Variants in HSF1 observed in about 807,000 individuals in gnomAD.
HSF1 encodes heat shock transcription factor 1, also known as heat shock factor protein 1.
Under a neutral mutation model 51.7 loss-of-function variants are expected in HSF1, and 32 were observed. That is an observed-to-expected ratio of 0.62 (90% CI 0.47 to 0.83). The LOEUF (loss-of-function observed/expected upper bound fraction) is 0.83, where lower values mean the gene tolerates loss of function less well. Ranked by LOEUF, HSF1 falls within the 40% of genes least tolerant of loss-of-function variation. The pLI, the probability that HSF1 is intolerant of heterozygous loss-of-function variation, is 0.00. For missense variants in HSF1, 727 were observed against 717.0 expected, an observed-to-expected ratio of 1.01 and a Z score of -0.16; for synonymous variants, 396 against 309.7, an observed-to-expected ratio of 1.28 and a Z score of -2.92.
chr8:144,298,477 T>C (rs1588630111), intron 1 of HSF1, among the ~76,000 whole-genome samples: 2 of 148,614 alleles, frequency 1.3e-5, no homozygotes, highest in African/African-American at 4.9e-5. Flanking sequence ...TGGTGGTGCG[T>C]GCCTGTAATC....
intron 1 of HSF1, among the ~76,000 whole-genome samples, chr8:144,296,477 T>G (rs35576789): frequency 0.52 from 79,088 of 151,966 alleles, 20,878 homozygotes; most frequent in Admixed American, 0.65. Context: ...GCCCGGACCA[T>G]AGTGCCTCCT....
At chr8:144,309,371 A>T in intron 2 of HSF1, 84 bp from the exon 3 acceptor site, 2 of 1,577,302 alleles carry the variant, frequency 1.3e-6, no homozygotes, top group South Asian at 1.2e-5. Context: ...CAAGCCCCGC[A>T]GCAGCCTCCT....
chr8:144,306,878 A>G (rs1554843402), intron 1 of HSF1, among the ~76,000 whole-genome samples: 2 of 152,118 alleles, frequency 1.3e-5, no homozygotes, highest in African/African-American at 2.4e-5. Flanking sequence ...AATGTTCTTG[A>G]ATGCCTGGGG....
chr8:144,302,127 T>C (rs181808563), intron 1 of HSF1, among the ~76,000 whole-genome samples: 1,629 of 140,242 alleles, frequency 0.012, 27 homozygotes, highest in African/African-American at 0.042. Context: ...AACTGCACCA[T>C]TGCACTCCAG....
intron 4 of HSF1, 131 bp downstream of exon 4, chr8:144,310,027 C>T: frequency 8.9e-7 from 1 of 1,119,368 alleles, no homozygotes; most frequent in South Asian, 1.6e-5. Context: ...CGCACATCTA[C>T]CCTGGGCCTC....
intron 4 of HSF1, chr8:144,310,536 G>T (rs1554844169): frequency 1.3e-5 from 2 of 156,280 alleles, no homozygotes; most frequent in African/African-American, 4.8e-5. Context: ...CATGGAGGAG[G>T]CCTTGGCCTC....
chr8:144,298,497 C>T (rs1210278470), intron 1 of HSF1, among the ~76,000 whole-genome samples: 5 of 150,438 alleles, frequency 3.3e-5, no homozygotes, highest in African/African-American at 7.3e-5. Context: ...CCCAGCTACT[C>T]GGGAGGCTGA....
intron 1 of HSF1, among the ~76,000 whole-genome samples, chr8:144,299,680 C>T (rs917723555): frequency 4.6e-5 from 7 of 152,010 alleles, no homozygotes; most frequent in African/African-American, 1.2e-4. Context: ...GAGGCCGAGG[C>T]GGGTGGATCA....
intron 1 of HSF1, among the ~76,000 whole-genome samples, chr8:144,300,516 T>C (rs1815796977): frequency 6.6e-6 from 1 of 152,228 alleles, no homozygotes; most frequent in Non-Finnish European, 1.5e-5. Context: ...CGGCCTGTTG[T>C]GTACTCTTGA....
rs1554846141 is a variant in HSF1 at position 144,314,229 on chromosome 8, G to A, written c.1489G>A (p.Gly497Ser). 6.5e-7 allele frequency: 1 copy of A among 1,550,304 alleles called. No individual in the cohort carries two copies. Among genetic ancestry groups the A allele is most frequent in the Middle Eastern group, 1.7e-4 (1 of 5,986 alleles). The change falls in exon 13 of 13, where the codon GGC (glycine) becomes AGC (serine). Residue 497 changes from glycine to serine, a missense_variant. This residue lies in a region of HSF1 where 470 missense variants were observed against 398.8 expected (regional missense o/e 1.18). Transcript: ENST00000528838. ...DLPVLFELGE[G>S]SYFSEGDGFA... Reference sequence around the variant, plus strand: ...GCCGGTGCTGTTTGAGCTGGGAGAGGGCTCCTACTTCTCCGAAGGGGACGG... The same window carrying A: ...GCCGGTGCTGTTTGAGCTGGGAGAGAGCTCCTACTTCTCCGAAGGGGACGG...
Position 144,308,976 on chromosome 8 carries a change from A to G in HSF1, c.188A>G (p.His63Arg). The part of the protein sequence containing the change: ...AKEVLPKYFK[H>R]NNMASFVRQL... ...GAGGTGCTGCCCAAGTACTTCAAGC[A>G]CAACAACATGGCCAGCTTCGTGCGG... is the stretch of plus-strand genomic sequence containing the variant. Residue 63 changes from histidine (H) to arginine (R), a missense_variant, in exon 2 of 13, where the codon CAC (histidine) becomes CGC (arginine). His to Arg is a conservative substitution (Grantham distance 29). Around this residue, in one of 2 missense-constraint regions of HSF1, gnomAD observed 257 missense variants for 318.3 expected, o/e 0.81. Coordinates refer to ENST00000528838, the MANE Select transcript of HSF1 (RefSeq NM_005526.4). The G allele has an allele frequency of 6.2e-7, 1 of 1,614,124 alleles. No homozygotes were observed. The highest frequency in any genetic ancestry group is 8.5e-7 in the Non-Finnish European group (1 of 1,179,956).
intron 9 of HSF1, chr8:144,312,590 C>T: frequency 1.3e-6 from 2 of 1,515,062 alleles, no homozygotes; most frequent in Non-Finnish European, 1.8e-6. Flanking sequence ...CCCCCAGCCC[C>T]TGCCTGCAAT....
chr8:144,296,108 G>A (rs1261351658), intron 1 of HSF1, among the ~76,000 whole-genome samples: 2 of 152,184 alleles, frequency 1.3e-5, no homozygotes, highest in South Asian at 4.1e-4. Context: ...TCAGGTGGCC[G>A]CTGTGGAGGG....
chr8:144,300,643 G>C (rs782663698), intron 1 of HSF1, among the ~76,000 whole-genome samples: 1 of 152,204 alleles, frequency 6.6e-6, no homozygotes, highest in East Asian at 1.9e-4. Context: ...TCCACAAACT[G>C]TTTGACGAGT....
At chr8:144,301,649 C>A (rs556622720) in intron 1 of HSF1, among the ~76,000 whole-genome samples, 1 of 151,682 alleles carries the variant, frequency 6.6e-6, no homozygotes, top group South Asian at 2.1e-4. Flanking sequence ...GGCGGATCAC[C>A]AGGTCAGGAG....
At chr8:144,302,830 T>G (rs782109062) in intron 1 of HSF1, among the ~76,000 whole-genome samples, 1 of 151,700 alleles carries the variant, frequency 6.6e-6, no homozygotes, top group Non-Finnish European at 1.5e-5. Context: ...CGAAAAAACA[T>G]ACATTGAAAA....
At position 144,297,838 on chromosome 8, in the gene HSF1, G is replaced by A. The variant is rs1203512493; in HGVS notation, c.117+5964G>A. Among the ~76,000 whole-genome samples, 1 of 152,224 alleles carries A rather than the reference G, an allele frequency of 6.6e-6. No homozygotes were observed. The highest frequency in any genetic ancestry group is 1.5e-5 in the Non-Finnish European group (1 of 68,040). On this transcript the variant is annotated intron_variant, in intron 1 of 12. Coordinates refer to ENST00000528838, the MANE Select transcript of HSF1 (RefSeq NM_005526.4). This position sits in a 1 kb window ranked among gnomAD's most constrained non-coding sequence, Gnocchi z 4.6. ...GGGCCACCTTGTAGAATACGGCACTGTTCACGTTTTGGGCCAGGGAGCCCT... is the reference window on the plus strand; with the variant it reads ...GGGCCACCTTGTAGAATACGGCACTATTCACGTTTTGGGCCAGGGAGCCCT...
intron 9 of HSF1, chr8:144,312,697 C>T (rs1816765629): frequency 1.3e-6 from 2 of 1,535,332 alleles, no homozygotes; most frequent in Non-Finnish European, 1.7e-6. Context: ...CTCCGCATGG[C>T]CAAGTCCAGC....
rs782168294 is a variant in HSF1 at position 144,311,306 on chromosome 8, C to T, written c.565-15C>T. 4 of 1,613,802 alleles carry T rather than the reference C, an allele frequency of 2.5e-6. No individual in the cohort carries two copies. The highest frequency in any genetic ancestry group is 1.7e-5 in the Admixed American group (1 of 60,022). Reference sequence around the variant, plus strand: ...CCCACAAGGGCCGGGGTAACTGTGTCCTCTCTCTCCACAGCTCATTCAGTT... The same window carrying T: ...CCCACAAGGGCCGGGGTAACTGTGTTCTCTCTCTCCACAGCTCATTCAGTT... On this transcript the variant is annotated splice_polypyrimidine_tract_variant and intron_variant, in intron 5 of 12. Transcript: ENST00000528838.
Sources: gnomAD v4.1 joint callset for allele counts (sites outside exome capture counted in the v4.1 genomes callset) on GRCh38, gnomAD v4.1.1 for gene constraint, gnomAD v4.1.1 regional missense constraint, Gnocchi (gnomAD v3.1) non-coding constraint, MANE v1.5 for transcripts, NCBI Gene and HGNC (gene_info 2026-07-23, HGNC 2026-07-21) for gene names.